Variants in FRMPD4 observed in about 807,000 individuals in gnomAD.
FRMPD4 encodes the protein FERM and PDZ domain-containing protein 4.
FRMPD4 carries 22 observed loss-of-function variants against 94.1 expected under a neutral mutation model. The ratio of observed to expected loss-of-function variants is 0.23; its 90% confidence interval spans 0.17 to 0.33. The LOEUF (loss-of-function observed/expected upper bound fraction) is 0.33. Ranked by LOEUF, FRMPD4 falls within the 10% of genes least tolerant of loss-of-function variation. The pLI is 1.00. For synonymous variants in FRMPD4, 631 were observed against 548.6 expected (o/e 1.15, Z -2.10); for missense variants, 1,111 against 1,339.9 (o/e 0.83, Z 2.67).
intron 1 of FRMPD4, among the ~76,000 whole-genome samples, chrX:12,359,892 G>A (rs1445943931): frequency 4.5e-5 from 5 of 111,660 alleles, no homozygotes; most frequent in Non-Finnish European, 7.5e-5. Flanking sequence ...GGGGACCCTC[G>A]GTGTCTCATG....
At chrX:12,053,134 T>C (rs2054827657) in intron 3 of FRMPD4, among the ~76,000 whole-genome samples, 1 of 109,392 alleles carries the variant, frequency 9.1e-6, no homozygotes, top group Non-Finnish European at 1.9e-5. Context: ...GGTCAGGAGA[T>C]CGAGACCAGC....
rs150171226 is a variant in FRMPD4 at position 12,641,169 on chromosome X, T to G, written c.422+26288T>G. Among the ~76,000 whole-genome samples the G allele has an allele frequency of 6.3e-5, 7 of 111,273 alleles. No homozygotes were observed. The East Asian group carries it at 2.0e-3, about 31-fold the overall frequency. On this transcript the variant is annotated intron_variant, in intron 4 of 16. Transcript: ENST00000675598. ...ATGTAAGTGACTTAATAGGGAGAGT[T>G]CTCAGGAAAGATAAATAGAGGGATG...
intron 3 of FRMPD4, among the ~76,000 whole-genome samples, chrX:11,892,914 C>T (rs1418117090): frequency 5.4e-5 from 6 of 111,717 alleles, no homozygotes; most frequent in Admixed American, 1.9e-4. Flanking sequence ...TATACCCGGA[C>T]GTCAAAATTA....
At chrX:12,338,089 C>T (rs2055555219) in intron 1 of FRMPD4, among the ~76,000 whole-genome samples, 1 of 111,951 alleles carries the variant, frequency 8.9e-6, no homozygotes, top group Admixed American at 9.4e-5. Flanking sequence ...TGAAGGGGAG[C>T]TTCCTTCAAC....
chrX:12,094,148 A>G (rs1201644154), intron 3 of FRMPD4, among the ~76,000 whole-genome samples: 1 of 112,177 alleles, frequency 8.9e-6, no homozygotes, highest in East Asian at 2.8e-4. Context: ...CTGCTTATTC[A>G]TAAAGCCTCT....
chrX:12,051,896 C>T (rs1021262107), intron 3 of FRMPD4, among the ~76,000 whole-genome samples: 1 of 111,156 alleles, frequency 9.0e-6, no homozygotes, highest in African/African-American at 3.3e-5. Flanking sequence ...GTCACATAAC[C>T]GTATGGGTAG....
At chrX:12,459,665 T>C (rs2148152650) in intron 1 of FRMPD4, among the ~76,000 whole-genome samples, 1 of 112,274 alleles carries the variant, frequency 8.9e-6, no homozygotes. Context: ...TTCCATACTA[T>C]AGATATACCA....
At chrX:11,992,766 C>T (rs1395660913) in intron 3 of FRMPD4, among the ~76,000 whole-genome samples, 11 of 110,875 alleles carry the variant, frequency 9.9e-5, no homozygotes, top group Non-Finnish European at 1.9e-5. Flanking sequence ...TGCCCTCAAC[C>T]TCTAGCAGCA....
intron 2 of FRMPD4, among the ~76,000 whole-genome samples, chrX:12,587,037 T>C (rs1399419030): frequency 9.2e-6 from 1 of 109,014 alleles, no homozygotes; most frequent in Non-Finnish European, 1.9e-5. Context: ...AGTGTAGCGG[T>C]GTGATCTCAG....
chrX:12,193,803 G>A (rs760536304), intron 1 of FRMPD4, among the ~76,000 whole-genome samples: 6,331 of 23,393 alleles, frequency 0.27, 1,630 homozygotes, highest in East Asian at 0.48. Flanking sequence ...AGGAAGGAAG[G>A]AAGGAAGGAA....
intron 5 of FRMPD4, among the ~76,000 whole-genome samples, chrX:12,683,043 T>C (rs1197340804): frequency 8.9e-6 from 1 of 111,749 alleles, no homozygotes; most frequent in Non-Finnish European, 1.9e-5. Context: ...TGAATAACAA[T>C]AGGATTATGA....
chrX:12,231,518 T>A, intron 1 of FRMPD4, among the ~76,000 whole-genome samples: 1 of 111,409 alleles, frequency 9.0e-6, no homozygotes, highest in South Asian at 3.8e-4. Context: ...TGTGGCCCAC[T>A]TCTAAACATC....
chrX:12,322,927 A>T (rs1450078060), intron 1 of FRMPD4, among the ~76,000 whole-genome samples: 1 of 111,898 alleles, frequency 8.9e-6, no homozygotes, highest in East Asian at 2.8e-4. Flanking sequence ...ATTAATATTG[A>T]CATTTTTCCC....
intron 1 of FRMPD4, among the ~76,000 whole-genome samples, chrX:11,851,455 G>T (rs2053621536): frequency 9.0e-6 from 1 of 110,986 alleles, no homozygotes; most frequent in Non-Finnish European, 1.9e-5. Context: ...ATGTTCCACG[G>T]CCCCTGAATG....
chrX:12,711,619 C>T (rs189785607), intron 14 of FRMPD4, among the ~76,000 whole-genome samples: 25 of 111,069 alleles, frequency 2.3e-4, no homozygotes, highest in Non-Finnish European at 2.5e-4. Context: ...TGGACAGATG[C>T]CACCATTCTA....
intron 1 of FRMPD4, among the ~76,000 whole-genome samples, chrX:12,162,925 C>T (rs989085842): frequency 9.0e-6 from 1 of 111,566 alleles, no homozygotes; most frequent in African/African-American, 3.3e-5. Context: ...ACAGTCTTCA[C>T]CTTTGTGAAT....
intron 2 of FRMPD4, chrX:12,583,524 CATATT>C: frequency 9.4e-7 from 1 of 1,065,069 alleles, no homozygotes; most frequent in Non-Finnish European, 1.3e-6. Flanking sequence ...GGAGCGTTCC[CATATT>C]ATGATCCTCA....
chrX:12,010,290 A>G (rs1200137250), intron 3 of FRMPD4, among the ~76,000 whole-genome samples: 1 of 112,461 alleles, frequency 8.9e-6, no homozygotes, highest in Non-Finnish European at 1.9e-5. Context: ...AAATATGTGC[A>G]AATAGAAGAT....
chrX:12,648,171 T>G (rs972794362), intron 4 of FRMPD4, among the ~76,000 whole-genome samples: 2 of 111,686 alleles, frequency 1.8e-5, no homozygotes, highest in African/African-American at 6.5e-5. Context: ...TAAAGAGTGA[T>G]TCTCACTAGA....
Sources: allele counts gnomAD v4.1 joint callset (sites outside exome capture counted in the v4.1 genomes callset), GRCh38; gene constraint gnomAD v4.1.1; transcripts MANE v1.5; gene names NCBI Gene and HGNC (gene_info 2026-07-23, HGNC 2026-07-21).